Variants in GAREM1 observed in about 807,000 individuals in gnomAD.
The protein encoded by GAREM1 is GRB2-associated and regulator of MAPK protein 1.
Under a neutral mutation model 71.3 loss-of-function variants are expected in GAREM1, and 26 were observed. The observed-to-expected ratio is 0.36, with a 90% confidence interval of 0.27 to 0.51. The LOEUF (loss-of-function observed/expected upper bound fraction) is 0.51. Ranked by LOEUF, GAREM1 falls within the 20% of genes least tolerant of loss-of-function variation. The pLI, the probability that GAREM1 is intolerant of heterozygous loss-of-function variation, is 0.95. For missense variants in GAREM1, 1,026 were observed against 1,103.1 expected (o/e 0.93, Z 0.99); for synonymous variants, 440 against 433.2 (o/e 1.02, Z -0.20).
At chr18:32,275,115 G>A (rs779655356) in intron 4 of GAREM1, among the ~76,000 whole-genome samples, 1 of 152,148 alleles carries the variant, frequency 6.6e-6, no homozygotes, top group Non-Finnish European at 1.5e-5. Context: ...CAGAAGACCT[G>A]CCACATATGA....
intron 1 of GAREM1, among the ~76,000 whole-genome samples, chr18:32,417,800 G>A (rs2048479074): frequency 6.6e-6 from 1 of 151,976 alleles, no homozygotes; most frequent in African/African-American, 2.4e-5. Context: ...ATAAGACCTA[G>A]TATTTATAGA....
Position 32,287,346 on chromosome 18 carries a change from A to T in GAREM1, c.1251T>A (p.Pro417=), listed in dbSNP as rs772167424. 6.2e-7 allele frequency: 1 copy of T among 1,614,166 alleles called. No homozygotes were observed. Among genetic ancestry groups the T allele is most frequent in the Non-Finnish European group, 8.5e-7 (1 of 1,180,030 alleles). The change falls in exon 4 of 6, where the codon CCT becomes CCA. Residue 417 remains proline, a synonymous_variant. Transcript: ENST00000269209. This position sits in a 1 kb window ranked among gnomAD's most constrained non-coding sequence, Gnocchi z 5.9. ...RDLGGDWAPF[P]HDILPYQDSG... ...AGTCCTGATAGGGCAGGATGTCATG[A>T]GGAAAGGGAGCCCAATCTCCCCCCA...
chr18:32,364,389 C>T (rs1186971426), intron 2 of GAREM1, among the ~76,000 whole-genome samples: 3 of 151,936 alleles, frequency 2.0e-5, no homozygotes, highest in African/African-American at 4.8e-5. Flanking sequence ...GTCTTCACCG[C>T]TCCGCCCCTA....
intron 3 of GAREM1, among the ~76,000 whole-genome samples, chr18:32,297,253 TAAACTA>T (rs2047151144): frequency 6.6e-6 from 1 of 152,252 alleles, no homozygotes; most frequent in Non-Finnish European, 1.5e-5. Context: ...TACTATCAGC[TAAACTA>T]CAAGCTGAGT....
Position 32,264,223 on chromosome 18 carries a change from A to G in GAREM1, c.*3648T>C, listed in dbSNP as rs2041342922. The G allele has an allele frequency of 6.6e-6, 1 of 152,232 alleles. No individual in the cohort carries two copies. Among genetic ancestry groups the G allele is most frequent in the Admixed American group, 6.5e-5 (1 of 15,288 alleles). 9.4% of individuals were successfully genotyped at this position (152,232 alleles called of 1,614,324 possible). ...CTTGAAAGATAGTGGAAATTGATATAAGAGGCATGTTTCTGAAAGCCCCCT... is the reference window on the plus strand; with the variant it reads ...CTTGAAAGATAGTGGAAATTGATATGAGAGGCATGTTTCTGAAAGCCCCCT... On this transcript the variant is annotated 3_prime_UTR_variant, in exon 6 of 6. Transcript: ENST00000269209.
intron 2 of GAREM1, among the ~76,000 whole-genome samples, chr18:32,367,069 T>A (rs374755142): frequency 6.6e-6 from 1 of 152,248 alleles, no homozygotes; most frequent in Non-Finnish European, 1.5e-5. Context: ...AATTTATTCA[T>A]GTCAAACAAC....
intron 2 of GAREM1, among the ~76,000 whole-genome samples, chr18:32,338,276 T>C (rs1457805817): frequency 6.6e-6 from 1 of 152,214 alleles, no homozygotes; most frequent in Non-Finnish European, 1.5e-5. Context: ...TTCATTCCCA[T>C]AGTCTGTCTC....
At chr18:32,344,362 C>A (rs923793485) in intron 2 of GAREM1, among the ~76,000 whole-genome samples, 8 of 152,312 alleles carry the variant, frequency 5.3e-5, no homozygotes, top group African/African-American at 1.9e-4. Flanking sequence ...GTAACTTTAT[C>A]CTTCTTAGTA....
At chr18:32,381,256 A>C (rs1599005826) in intron 2 of GAREM1, among the ~76,000 whole-genome samples, 1 of 152,162 alleles carries the variant, frequency 6.6e-6, no homozygotes, top group East Asian at 1.9e-4. Flanking sequence ...GATAGGAAAC[A>C]TCTCTGCTAG....
chr18:32,378,427 G>C (rs2048060070), intron 2 of GAREM1, among the ~76,000 whole-genome samples: 1 of 151,468 alleles, frequency 6.6e-6, no homozygotes, highest in Admixed American at 6.6e-5. Flanking sequence ...TTGAACCTGG[G>C]AGGGGGAGGT....
chr18:32,270,714 G>A (rs1285404736), intron 4 of GAREM1, among the ~76,000 whole-genome samples: 1 of 152,118 alleles, frequency 6.6e-6, no homozygotes, highest in Non-Finnish European at 1.5e-5. Context: ...TGTGAGGATG[G>A]ATAAAGAGGA....
intron 1 of GAREM1, among the ~76,000 whole-genome samples, chr18:32,403,390 C>T (rs1378443757): frequency 1.3e-5 from 2 of 152,074 alleles, no homozygotes; most frequent in Non-Finnish European, 2.9e-5. Flanking sequence ...TACCCCCTCC[C>T]GCTCCCAACC....
At chr18:32,281,081 G>C (rs190506054) in intron 4 of GAREM1, among the ~76,000 whole-genome samples, 25 of 152,190 alleles carry the variant, frequency 1.6e-4, no homozygotes, top group African/African-American at 6.0e-4. Context: ...CAAGTTCTTC[G>C]CACAGTACAA....
rs189787035 is a variant in GAREM1, at chr18:32,287,829, C to T, written c.768G>A (p.Pro256=). 3.5e-4 allele frequency: 562 copies of T among 1,613,782 alleles called. No individual in the cohort carries two copies. Among genetic ancestry groups the T allele is most frequent in the Non-Finnish European group, 3.2e-4 (381 of 1,179,958 alleles). Residue 256 remains proline, a synonymous_variant, in exon 4 of 6, where the codon CCG becomes CCA. Coordinates refer to ENST00000269209, the MANE Select transcript of GAREM1 (RefSeq NM_001242409.2). This position sits in a 1 kb window ranked among gnomAD's most constrained non-coding sequence, Gnocchi z 5.9. ...PVNVTVPSPP[P]RNPYDLHFIR... The stretch of plus-strand genomic sequence containing the variant: ...TGAAGTGGAGGTCGTATGGGTTTCT[C>T]GGTGGAGGGCTTGGCACAGTCACAT...
chr18:32,305,051 TA>T (rs572696340), intron 3 of GAREM1, among the ~76,000 whole-genome samples: 38 of 149,518 alleles, frequency 2.5e-4, no homozygotes, highest in South Asian at 4.2e-4. Flanking sequence ...CTATTACAGT[TA>T]AAAAAAAACC....
At chr18:32,311,619 G>T (rs2047324995) in intron 2 of GAREM1, among the ~76,000 whole-genome samples, 1 of 152,058 alleles carries the variant, frequency 6.6e-6, no homozygotes, top group Non-Finnish European at 1.5e-5. Flanking sequence ...GGTCGTGCTT[G>T]GTAGTTGCAG....
rs902892339 is a variant in GAREM1 at position 32,390,274 on chromosome 18, T to C, written c.262+2621A>G. ...CTACCAAATCACTAAATTTGTCTTG[T>C]AAAGCAAGTTTCATGGTGCTATCTT... is the stretch of plus-strand genomic sequence containing the variant. On this transcript the variant is annotated intron_variant, in intron 2 of 5. Transcript: ENST00000269209. 2.3e-4 allele frequency among the ~76,000 whole-genome samples: 35 copies of C among 152,202 alleles called. 2 individuals are homozygous for C. Among genetic ancestry groups the C allele is most frequent in the Non-Finnish European group, 1.5e-5 (1 of 68,032 alleles).
At chr18:32,376,992 A>G (rs916880195) in intron 2 of GAREM1, among the ~76,000 whole-genome samples, 5 of 152,240 alleles carry the variant, frequency 3.3e-5, no homozygotes, top group African/African-American at 9.6e-5. Context: ...TTACAAATTT[A>G]TTTAATCCTC....
chr18:32,302,354 C>T (rs367726463), intron 3 of GAREM1, among the ~76,000 whole-genome samples: 1 of 152,166 alleles, frequency 6.6e-6, no homozygotes, highest in African/African-American at 2.4e-5. Flanking sequence ...AGTCTATAAA[C>T]TTCCTAGTCC....
Sources: allele counts gnomAD v4.1 joint callset (sites outside exome capture counted in the v4.1 genomes callset), GRCh38; gene constraint gnomAD v4.1.1; non-coding constraint Gnocchi (gnomAD v3.1); transcripts MANE v1.5; gene names NCBI Gene and HGNC (gene_info 2026-07-23, HGNC 2026-07-21).